Variants in MYL10 observed in about 807,000 individuals in gnomAD.
MYL10 encodes myosin light chain 10.
Under a neutral mutation model 21.9 loss-of-function variants are expected in MYL10, and 18 were observed. That is an observed-to-expected ratio of 0.82 (90% CI 0.57 to 1.22). MYL10 has a LOEUF of 1.22. Ranked by LOEUF, MYL10 falls within the 50% of genes most tolerant of loss-of-function variation. The probability of loss-of-function intolerance (pLI) is 0.00; values close to 1 mark genes in which losing one functional copy is unlikely to be tolerated. For missense variants in MYL10, 225 were observed against 230.4 expected (o/e 0.98, Z 0.15); for synonymous variants, 88 against 82.8 (o/e 1.06, Z -0.34).
intron 5 of MYL10, among the ~76,000 whole-genome samples, chr7:101,619,888 T>TTAA (rs1796656032): frequency 1.9e-4 from 1 of 5,234 alleles, no homozygotes; most frequent in Non-Finnish European, 4.4e-4. Flanking sequence ...AGACTCCGTC[T>TTAA]CAAAAAAAAA....
At chr7:101,619,934 TCA>T (rs1364542141) in intron 5 of MYL10, among the ~76,000 whole-genome samples, 1 of 148,710 alleles carries the variant, frequency 6.7e-6, no homozygotes, top group Non-Finnish European at 1.5e-5. Context: ...CCTGCAAATG[TCA>T]CCTTATTTGG....
At chr7:101,615,826 C>T (rs1219300341) in intron 6 of MYL10, among the ~76,000 whole-genome samples, 1 of 151,044 alleles carries the variant, frequency 6.6e-6, no homozygotes, top group East Asian at 2.0e-4. Context: ...ACCAGAGTAG[C>T]TGGGACTACA....
chr7:101,613,817 A>G (rs566091383), intron 6 of MYL10, 107 bp from the exon 7 acceptor site: 114 of 1,079,238 alleles, frequency 1.1e-4, no homozygotes, highest in Middle Eastern at 2.2e-4. Flanking sequence ...GACATCCTGG[A>G]CCAGGAGGAC....
At chr7:101,617,653 G>A (rs1291403302) in intron 5 of MYL10, among the ~76,000 whole-genome samples, 3 of 152,148 alleles carry the variant, frequency 2.0e-5, no homozygotes, top group Non-Finnish European at 2.9e-5. Flanking sequence ...GTGGGTCATC[G>A]CCATCTGTTC....
intron 1 of MYL10, among the ~76,000 whole-genome samples, chr7:101,626,352 G>A (rs1490314352): frequency 6.6e-6 from 1 of 152,192 alleles, no homozygotes; most frequent in East Asian, 1.9e-4. Flanking sequence ...CAGTCCCGCT[G>A]GTGACAGGCA....
chr7:101,617,085 C>T (rs1480829067), intron 5 of MYL10, among the ~76,000 whole-genome samples: 1 of 152,234 alleles, frequency 6.6e-6, no homozygotes, highest in Non-Finnish European at 1.5e-5. Context: ...TGAATGACAG[C>T]AGGTGACCTG....
chr7:101,617,121 C>T (rs1796618046), intron 5 of MYL10, among the ~76,000 whole-genome samples: 1 of 152,244 alleles, frequency 6.6e-6, no homozygotes, highest in South Asian at 2.1e-4. Flanking sequence ...TGCCCTTTCC[C>T]CTTCTGTCAC....
At chr7:101,627,749 A>C (rs1796763951) in intron 1 of MYL10, among the ~76,000 whole-genome samples, 1 of 152,166 alleles carries the variant, frequency 6.6e-6, no homozygotes, top group Non-Finnish European at 1.5e-5. Flanking sequence ...TTTTCTCTAG[A>C]GCCAAGGGAC....
At chr7:101,627,150 A>T (rs78570883) in intron 1 of MYL10, among the ~76,000 whole-genome samples, 4 of 151,384 alleles carry the variant, frequency 2.6e-5, no homozygotes, top group Non-Finnish European at 5.9e-5. Flanking sequence ...AAAAAAAAAA[A>T]TAGCCATGTG....
intron 5 of MYL10, among the ~76,000 whole-genome samples, chr7:101,619,507 C>T (rs1796651003): frequency 6.6e-6 from 1 of 152,192 alleles, no homozygotes; most frequent in Admixed American, 6.5e-5. Context: ...GGTCACGACC[C>T]ATGACAGTAC....
At chr7:101,627,023 G>A (rs900598360) in intron 1 of MYL10, among the ~76,000 whole-genome samples, 1 of 152,114 alleles carries the variant, frequency 6.6e-6, no homozygotes, top group African/African-American at 2.4e-5. Flanking sequence ...CGGGCGCTGT[G>A]GCTCACGCCT....
At chr7:101,621,878 G>A (rs1257897400) in intron 5 of MYL10, among the ~76,000 whole-genome samples, 2 of 152,200 alleles carry the variant, frequency 1.3e-5, no homozygotes, top group African/African-American at 4.8e-5. Flanking sequence ...GAGCCACCAT[G>A]CCTGGCCAAG....
Position 101,619,741 on chromosome 7 carries a change from T to A in MYL10, c.454+2355A>T, listed in dbSNP as rs925271941. On this transcript the variant is annotated intron_variant, in intron 5 of 7. Coordinates refer to ENST00000223167, the MANE Select transcript of MYL10 (RefSeq NM_138403.5). The stretch of plus-strand genomic sequence containing the variant: ...CATCTCCACTAAAAATACAAAAAAA[T>A]TAGACGAGCGTGGTGGCAGGCACCT... Among the ~76,000 whole-genome samples the A allele has an allele frequency of 4.6e-5, 7 of 151,700 alleles. 1 individual carries two copies. The Middle Eastern group carries it at 0.01, about 226-fold the overall frequency.
intron 5 of MYL10, among the ~76,000 whole-genome samples, chr7:101,621,818 T>C (rs1796681178): frequency 6.6e-6 from 1 of 152,104 alleles, no homozygotes; most frequent in Non-Finnish European, 1.5e-5. Context: ...ACTCCTGGAC[T>C]CAAGCAAACC....
intron 1 of MYL10, among the ~76,000 whole-genome samples, chr7:101,627,326 T>TCAGGGGCAGGGGCAGGGG (rs11269989): frequency 6.0e-4 from 66 of 109,168 alleles, no homozygotes; most frequent in Middle Eastern, 8.0e-3. Context: ...CGGAGTGAGG[T>TCAGGGGCAGGGGCAGGGG]CAGGGGCAGG....
intron 5 of MYL10, among the ~76,000 whole-genome samples, chr7:101,620,046 G>A (rs183832949): frequency 5.9e-5 from 9 of 152,232 alleles, no homozygotes; most frequent in Non-Finnish European, 7.4e-5. Flanking sequence ...TAGAGTCCAG[G>A]CGCGAGGGCT....
chr7:101,616,886 G>A (rs979656659), intron 5 of MYL10, among the ~76,000 whole-genome samples: 4 of 152,226 alleles, frequency 2.6e-5, no homozygotes, highest in East Asian at 1.9e-4. Flanking sequence ...AGGGATTCAC[G>A]GGGGCAGAAG....
In MYL10 at chr7:101,622,948, C is replaced by T. The variant is rs1215528275; in HGVS notation, c.349+49G>A. 6 of 1,580,038 alleles carry T rather than the reference C, an allele frequency of 3.8e-6. No homozygotes were observed. In the South Asian group the frequency reaches 4.4e-5, roughly 12 times the overall value. ...GCCCTGCTGGCCCCAACCGCCCACTCTGTCTGGCTGGCCTGGCCCTAATCT... is the reference window on the plus strand; with the variant it reads ...GCCCTGCTGGCCCCAACCGCCCACTTTGTCTGGCTGGCCTGGCCCTAATCT... On this transcript the variant is annotated intron_variant, in intron 4 of 7. Transcript: ENST00000223167.
intron 4 of MYL10, among the ~76,000 whole-genome samples, 156 bp downstream of exon 4, chr7:101,622,841 T>TC (rs1399988541): frequency 2.0e-5 from 3 of 149,442 alleles, no homozygotes; most frequent in Non-Finnish European, 4.5e-5. Flanking sequence ...CCCAGGAAGG[T>TC]CCCCCCCTGA....
Sources: allele counts gnomAD v4.1 joint callset (sites outside exome capture counted in the v4.1 genomes callset), GRCh38; gene constraint gnomAD v4.1.1; transcripts MANE v1.5; gene names NCBI Gene and HGNC (gene_info 2026-07-23, HGNC 2026-07-21).